The following TACR1 variants were observed in gnomAD, a reference collection of about 807,000 sequenced individuals.
TACR1 encodes the protein tachykinin receptor 1, also known as substance-P receptor.
TACR1 carries 25 observed loss-of-function variants against 35.8 expected under a neutral mutation model. The ratio of observed to expected loss-of-function variants is 0.70; its 90% confidence interval spans 0.51 to 0.98. TACR1 has a LOEUF of 0.98. TACR1 is among the 50% of genes least tolerant of loss of function. TACR1 has a pLI of 0.00. For missense variants in TACR1, 478 were observed against 522.9 expected, an observed-to-expected ratio of 0.91 and a Z score of 0.84; for synonymous variants, 195 against 206.7, an observed-to-expected ratio of 0.94 and a Z score of 0.48.
chr2:75,057,943 G>A (rs2103791328), intron 2 of TACR1, among the ~76,000 whole-genome samples: 1 of 152,254 alleles, frequency 6.6e-6, no homozygotes, highest in Non-Finnish European at 1.5e-5. Flanking sequence ...GAAAAATTCA[G>A]CTAAGCTGGC....
intron 2 of TACR1, among the ~76,000 whole-genome samples, chr2:75,118,074 A>C (rs953418353): frequency 1.3e-5 from 2 of 152,196 alleles, no homozygotes; most frequent in Admixed American, 1.3e-4. Context: ...TCTAATTATT[A>C]TACTGCCTCA....
chr2:75,173,671 G>A (rs1675345006), intron 1 of TACR1, among the ~76,000 whole-genome samples: 1 of 152,156 alleles, frequency 6.6e-6, no homozygotes, highest in African/African-American at 2.4e-5. Context: ...CCTTCCTGCA[G>A]GAGTGAGCCT....
intron 1 of TACR1, among the ~76,000 whole-genome samples, chr2:75,198,022 AC>A (rs1469657261): frequency 6.6e-6 from 1 of 152,192 alleles, no homozygotes; most frequent in African/African-American, 2.4e-5. Flanking sequence ...CCAAACAACA[AC>A]AACAACTACA....
At chr2:75,139,615 G>A (rs987578495) in intron 1 of TACR1, among the ~76,000 whole-genome samples, 1 of 152,188 alleles carries the variant, frequency 6.6e-6, no homozygotes, top group Admixed American at 6.5e-5. Flanking sequence ...ATTAGGAACT[G>A]TTGTATAGGA....
intron 1 of TACR1, among the ~76,000 whole-genome samples, chr2:75,145,394 G>C (rs193239642): frequency 6.6e-6 from 1 of 152,138 alleles, no homozygotes; most frequent in East Asian, 1.9e-4. Context: ...ATGCAACTAA[G>C]ACAAGAAAAA....
At chr2:75,154,415 C>CGT (rs1558572308) in intron 1 of TACR1, 3 of 91,056 alleles carry the variant, frequency 3.3e-5, no homozygotes. Context: ...CGCACGCACA[C>CGT]ACACACACAC....
intron 1 of TACR1, among the ~76,000 whole-genome samples, chr2:75,121,853 G>A (rs970138294): frequency 2.6e-5 from 4 of 152,120 alleles, no homozygotes; most frequent in East Asian, 3.8e-4. Flanking sequence ...ACGTCCATGC[G>A]ACAGAATGGT....
chr2:75,151,893 T>C (rs1238900253), intron 1 of TACR1, among the ~76,000 whole-genome samples: 1 of 152,240 alleles, frequency 6.6e-6, no homozygotes, highest in Non-Finnish European at 1.5e-5. Context: ...TGCATCACTG[T>C]GACCTCGATG....
chr2:75,166,076 G>C (rs186103081), intron 1 of TACR1, among the ~76,000 whole-genome samples: 1 of 152,234 alleles, frequency 6.6e-6, no homozygotes, highest in Non-Finnish European at 1.5e-5. Flanking sequence ...TTAGAGAGGA[G>C]TGAGACTCTA....
intron 1 of TACR1, among the ~76,000 whole-genome samples, chr2:75,180,268 G>A (rs975862416): frequency 6.6e-6 from 1 of 152,160 alleles, no homozygotes; most frequent in East Asian, 1.9e-4. Flanking sequence ...ACTCTAAATG[G>A]AGAATAAGGG....
intron 1 of TACR1, among the ~76,000 whole-genome samples, chr2:75,130,722 C>G (rs1182849651): frequency 6.6e-6 from 1 of 152,196 alleles, no homozygotes; most frequent in Non-Finnish European, 1.5e-5. Context: ...AATCACTGAA[C>G]CTGTGAAAAC....
chr2:75,181,075 A>G (rs915632189), intron 1 of TACR1, among the ~76,000 whole-genome samples: 2 of 152,114 alleles, frequency 1.3e-5, no homozygotes, highest in African/African-American at 4.8e-5. Flanking sequence ...CAAACATCTA[A>G]TGGCCTACTA....
chr2:75,120,169 G>A (rs1357307101), intron 2 of TACR1, among the ~76,000 whole-genome samples: 2 of 152,162 alleles, frequency 1.3e-5, no homozygotes, highest in African/African-American at 4.8e-5. Context: ...TCATTGTTGA[G>A]AGCTGCTGGG....
intron 1 of TACR1, among the ~76,000 whole-genome samples, chr2:75,140,393 A>T (rs138720858): frequency 6.6e-6 from 1 of 152,290 alleles, no homozygotes; most frequent in East Asian, 1.9e-4. Context: ...TTTTAAGGAA[A>T]TCAAATTTGC....
intron 1 of TACR1, among the ~76,000 whole-genome samples, chr2:75,169,526 A>G (rs1349563504): frequency 4.6e-5 from 7 of 152,232 alleles, no homozygotes. Context: ...GAAGACTGAG[A>G]TCAGAATAAT....
At chr2:75,055,890 G>C (rs1458019627) in intron 2 of TACR1, among the ~76,000 whole-genome samples, 1 of 152,212 alleles carries the variant, frequency 6.6e-6, no homozygotes, top group African/African-American at 2.4e-5. Flanking sequence ...AAGAGATGCC[G>C]ATGTTGCTGT....
At chr2:75,172,653 T>G (rs1675317793) in intron 1 of TACR1, among the ~76,000 whole-genome samples, 1 of 152,136 alleles carries the variant, frequency 6.6e-6, no homozygotes, top group African/African-American at 2.4e-5. Flanking sequence ...ACGAATATAT[T>G]CTTCTGGTCA....
chr2:75,109,219 G>A (rs1330399773), intron 2 of TACR1, among the ~76,000 whole-genome samples: 1 of 152,068 alleles, frequency 6.6e-6, no homozygotes, highest in Non-Finnish European at 1.5e-5. Flanking sequence ...GACAGCTCGC[G>A]GGCCAATGTG....
intron 1 of TACR1, among the ~76,000 whole-genome samples, chr2:75,154,048 T>G (rs1279629347): frequency 6.6e-6 from 1 of 152,096 alleles, no homozygotes; most frequent in Non-Finnish European, 1.5e-5. Flanking sequence ...GGCTCACTGA[T>G]TAATTGAAGG....
Sources: gnomAD v4.1 joint callset for allele counts (sites outside exome capture counted in the v4.1 genomes callset) on GRCh38, gnomAD v4.1.1 for gene constraint, MANE v1.5 for transcripts, NCBI Gene and HGNC (gene_info 2026-07-23, HGNC 2026-07-21) for gene names.